Variants in FERRY3 observed in about 807,000 individuals in gnomAD.
FERRY3 encodes protein C12orf4.
At chr12:4,512,466 A>G in the FERRY3 span, among the ~76,000 whole-genome samples, 4 of 152,398 alleles carry the variant, frequency 2.6e-5, no homozygotes, top group Admixed American at 2.6e-4. Flanking sequence ...AATATCCTTG[A>G]TGAACATTGA....
the FERRY3 span, among the ~76,000 whole-genome samples, chr12:4,498,845 G>A: frequency 6.6e-6 from 1 of 152,104 alleles, no homozygotes; most frequent in Non-Finnish European, 1.5e-5. Context: ...CCTCGCACAC[G>A]CAGTTCACAA....
the FERRY3 span, among the ~76,000 whole-genome samples, chr12:4,530,634 T>C: frequency 1.3e-5 from 2 of 152,248 alleles, no homozygotes; most frequent in African/African-American, 4.8e-5. Context: ...TAATTATGCA[T>C]TTAGTTTGAC....
chr12:4,514,573 T>G, the FERRY3 span, among the ~76,000 whole-genome samples: 3 of 151,700 alleles, frequency 2.0e-5, no homozygotes, highest in Non-Finnish European at 2.9e-5. Context: ...CCATAAAAAA[T>G]GATGAGTTCA....
the FERRY3 span, among the ~76,000 whole-genome samples, chr12:4,528,377 T>C: frequency 1.3e-5 from 2 of 152,184 alleles, no homozygotes; most frequent in South Asian, 2.1e-4. Flanking sequence ...TTAAACTATA[T>C]TCACAATTTT....
At chr12:4,516,199 A>C in the FERRY3 span, among the ~76,000 whole-genome samples, 1 of 152,266 alleles carries the variant, frequency 6.6e-6, no homozygotes, top group East Asian at 1.9e-4. Flanking sequence ...GTCCACTTTA[A>C]AGATATAGAA....
At chr12:4,505,068 G>A in the FERRY3 span, among the ~76,000 whole-genome samples, 5 of 152,196 alleles carry the variant, frequency 3.3e-5, no homozygotes, top group African/African-American at 1.2e-4. Flanking sequence ...TCGCACCACT[G>A]TGCTCCAGCC....
the FERRY3 span, among the ~76,000 whole-genome samples, chr12:4,523,908 T>A: frequency 1.3e-5 from 2 of 152,102 alleles, no homozygotes; most frequent in Non-Finnish European, 1.5e-5. Flanking sequence ...TGTATACATA[T>A]GTAACAAACC....
chr12:4,510,251 G>C, the FERRY3 span, among the ~76,000 whole-genome samples: 4 of 148,838 alleles, frequency 2.7e-5, no homozygotes, highest in Admixed American at 6.6e-5. Flanking sequence ...TATGTGAAAA[G>C]ACCAAATCTA....
chr12:4,525,881 T>C, the FERRY3 span, among the ~76,000 whole-genome samples: 2 of 152,224 alleles, frequency 1.3e-5, no homozygotes, highest in Non-Finnish European at 2.9e-5. Context: ...CCATGGCTAA[T>C]GTTAAAAACT....
chr12:4,538,274 G>A, the FERRY3 span: 1 of 152,758 alleles, frequency 6.5e-6, no homozygotes, highest in East Asian at 1.9e-4. Context: ...ACAGAGCGGA[G>A]GCTCTGAGGC....
At chr12:4,532,312 G>A in the FERRY3 span, among the ~76,000 whole-genome samples, 1 of 152,042 alleles carries the variant, frequency 6.6e-6, no homozygotes, top group African/African-American at 2.4e-5. Context: ...ACTGCACACA[G>A]CACTGTACAG....
At chr12:4,497,333 A>G in the FERRY3 span, among the ~76,000 whole-genome samples, 1 of 152,206 alleles carries the variant, frequency 6.6e-6, no homozygotes, top group Non-Finnish European at 1.5e-5. Context: ...AGATGAAAAC[A>G]GTGGCTACCC....
At chr12:4,530,137 T>C in the FERRY3 span, 3 of 1,268,932 alleles carry the variant, frequency 2.4e-6, no homozygotes, top group Non-Finnish European at 3.3e-6. Context: ...GATTCCATTT[T>C]TGCACTTCAA....
chr12:4,537,307 T>C, the FERRY3 span, among the ~76,000 whole-genome samples: 6 of 152,182 alleles, frequency 3.9e-5, no homozygotes, highest in African/African-American at 1.4e-4. Flanking sequence ...TAAAACTGGA[T>C]TGGGTCCCGA....
At chr12:4,533,607 AT>A in the FERRY3 span, among the ~76,000 whole-genome samples, 2 of 152,206 alleles carry the variant, frequency 1.3e-5, no homozygotes, top group African/African-American at 4.8e-5. Context: ...GATATACCTA[AT>A]GGCATCTTAG....
At chr12:4,528,014 A>T in the FERRY3 span, among the ~76,000 whole-genome samples, 1 of 152,178 alleles carries the variant, frequency 6.6e-6, no homozygotes, top group Non-Finnish European at 1.5e-5. Flanking sequence ...TCAGATTTAG[A>T]ATAAGGAAGC....
chr12:4,524,874 C>T, the FERRY3 span: 1 of 161,024 alleles, frequency 6.2e-6, no homozygotes, highest in Non-Finnish European at 1.3e-5. Context: ...ATAGATCAGT[C>T]TCTCTTTCTA....
At chr12:4,518,697 T>G in the FERRY3 span, 1 of 917,228 alleles carries the variant, frequency 1.1e-6, no homozygotes, top group Non-Finnish European at 1.6e-6. Context: ...TTCTCTATTA[T>G]TTTAAAAAAA....
At chr12:4,518,024 T>C in the FERRY3 span, 1 of 1,567,392 alleles carries the variant, frequency 6.4e-7, no homozygotes, top group Non-Finnish European at 8.8e-7. Flanking sequence ...CAGGATGAAA[T>C]TTAACAAAAT....
Sources: allele counts gnomAD v4.1 joint callset (sites outside exome capture counted in the v4.1 genomes callset), GRCh38; gene constraint gnomAD v4.1.1; transcripts MANE v1.5; gene names NCBI Gene and HGNC (gene_info 2026-07-23, HGNC 2026-07-21).